Variants in BMP1 observed in about 807,000 individuals in gnomAD.
The protein encoded by BMP1 is mammalian tolloid protein.
In BMP1, 63 loss-of-function variants were observed where a neutral mutation model predicts 116.8. That is an observed-to-expected ratio of 0.54 (90% CI 0.44 to 0.67). The LOEUF (loss-of-function observed/expected upper bound fraction) is 0.67. Ranked by LOEUF, BMP1 falls within the 30% of genes least tolerant of loss-of-function variation. The probability of loss-of-function intolerance (pLI) is 0.00; values close to 1 mark genes in which losing one functional copy is unlikely to be tolerated. For synonymous variants in BMP1, 536 were observed against 533.4 expected, an observed-to-expected ratio of 1.00 and a Z score of -0.07; for missense variants, 1,183 against 1,358.9, an observed-to-expected ratio of 0.87 and a Z score of 2.04.
chr8:22,192,181 C>G (rs1423861311), intron 9 of BMP1, 30 bp downstream of exon 9: 2 of 1,576,870 alleles, frequency 1.3e-6, no homozygotes, highest in South Asian at 1.1e-5. Context: ...CCTGCCCCCT[C>G]CATGCTGATT....
At chr8:22,178,466 G>A (rs906075643) in intron 6 of BMP1, among the ~76,000 whole-genome samples, 19 of 152,136 alleles carry the variant, frequency 1.2e-4, no homozygotes, top group African/African-American at 4.3e-4. Context: ...TTTAGAGATG[G>A]GGTCTCACTA....
chr8:22,206,102 C>T (rs1489383400), intron 16 of BMP1, among the ~76,000 whole-genome samples: 1 of 152,302 alleles, frequency 6.6e-6, no homozygotes, highest in Non-Finnish European at 1.5e-5. Flanking sequence ...TGCAGTGGCT[C>T]ACGCCTGTAA....
At chr8:22,200,814 C>T (rs1829238241) in intron 15 of BMP1, among the ~76,000 whole-genome samples, 1 of 152,182 alleles carries the variant, frequency 6.6e-6, no homozygotes, top group East Asian at 1.9e-4. Context: ...CCCCAGTTCT[C>T]TCCTTCCCTG....
chr8:22,203,182 C>A (rs2131898038), intron 16 of BMP1, among the ~76,000 whole-genome samples: 1 of 152,282 alleles, frequency 6.6e-6, no homozygotes, highest in South Asian at 2.1e-4. Context: ...CACAGACTTG[C>A]CTCTACCATT....
intron 8 of BMP1, among the ~76,000 whole-genome samples, chr8:22,190,403 C>A (rs1280150862): frequency 6.6e-6 from 1 of 152,164 alleles, no homozygotes; most frequent in East Asian, 1.9e-4. Flanking sequence ...TGGGGGTGAC[C>A]GGCAGTGGCA....
At chr8:22,175,920 A>G (rs947821025) in intron 2 of BMP1, among the ~76,000 whole-genome samples, 1 of 152,348 alleles carries the variant, frequency 6.6e-6, no homozygotes, top group East Asian at 1.9e-4. Context: ...ATTCCACCTC[A>G]GCTGGGAACA....
intron 15 of BMP1, among the ~76,000 whole-genome samples, chr8:22,199,914 G>C (rs1829210752): frequency 6.6e-6 from 1 of 152,172 alleles, no homozygotes; most frequent in African/African-American, 2.4e-5. Flanking sequence ...TAACCTACCT[G>C]ATCCTGGGTT....
chr8:22,197,201 T>C, intron 14 of BMP1, 39 bp from the exon 15 acceptor site: 1 of 1,592,092 alleles, frequency 6.3e-7, no homozygotes, highest in East Asian at 2.3e-5. Flanking sequence ...AAGAGAGGCT[T>C]CCTGGAGGAG....
chr8:22,199,149 G>C, intron 15 of BMP1: 2 of 1,367,360 alleles, frequency 1.5e-6, no homozygotes, highest in Non-Finnish European at 2.0e-6. Flanking sequence ...ACGCCCACAC[G>C]CACACACATG....
At chr8:22,177,560 C>T (rs754600692) in intron 5 of BMP1, 6 of 737,584 alleles carry the variant, frequency 8.1e-6, no homozygotes, top group Non-Finnish European at 1.5e-5. Flanking sequence ...TCCTCCCTCT[C>T]TCCCAGGCGT....
intron 2 of BMP1, among the ~76,000 whole-genome samples, chr8:22,174,164 G>A (rs931115789): frequency 5.3e-5 from 8 of 152,092 alleles, no homozygotes; most frequent in Admixed American, 4.6e-4. Flanking sequence ...TCCCTCCTGG[G>A]CTCTCTGTTC....
At chr8:22,195,347 T>C in intron 12 of BMP1, 115 bp from the exon 13 acceptor site, 3 of 1,344,472 alleles carry the variant, frequency 2.2e-6, no homozygotes, top group Non-Finnish European at 3.0e-6. Context: ...CTCTGTGGGG[T>C]TCCAGCCATC....
chr8:22,209,673 T>G lies in BMP1; in HGVS notation c.2804T>G (p.Leu935Arg). Reference sequence around the variant, plus strand: ...GGCTACGACAGCACAGCCCCCAGGCTGGGGCGCTACTGTGGCTCAGGGGTG... The same window carrying G: ...GGCTACGACAGCACAGCCCCCAGGCGGGGGCGCTACTGTGGCTCAGGGGTG... ...FDGYDSTAPRLGRYCGSGPPE... is the reference protein window; with the variant it reads ...FDGYDSTAPRRGRYCGSGPPE... The change falls in exon 19 of 20, where the codon CTG becomes CGG. Residue 935 changes from leucine (L) to arginine (R), a missense_variant. Around this residue, in one of 4 missense-constraint regions of BMP1, gnomAD observed 956 missense variants for 1,135.2 expected, o/e 0.84. Transcript: ENST00000306385. The G allele has an allele frequency of 6.2e-7, 1 of 1,613,858 alleles. No individual in the cohort carries two copies. The highest frequency in any genetic ancestry group is 8.5e-7 in the Non-Finnish European group (1 of 1,179,928).
In BMP1 at chr8:22,206,960, C is replaced by T; in HGVS notation, c.2340C>T (p.Thr780=). Residue 780 remains threonine, a synonymous_variant, in exon 17 of 20, where the codon ACC becomes ACT. Coordinates refer to ENST00000306385, the MANE Select transcript of BMP1 (RefSeq NM_006129.5). ...KKECTWAISS[T]PGHRVKLTFM... is the part of the protein sequence containing the mutation. The stretch of plus-strand genomic sequence containing the variant: ...AGTGCACGTGGGCCATCTCCAGCAC[C>T]CCCGGGCACCGGGTCAAGCTGGTAA... 6.2e-7 allele frequency: 1 copy of T among 1,614,212 alleles called. No individual in the cohort carries two copies. The highest frequency in any genetic ancestry group is 8.5e-7 in the Non-Finnish European group (1 of 1,180,032).
At chr8:22,210,468 T>TCTCTCTCTCTCTCACA (rs10664439) in intron 19 of BMP1, among the ~76,000 whole-genome samples, 1 of 135,500 alleles carries the variant, frequency 7.4e-6, no homozygotes, top group African/African-American at 3.0e-5. Context: ...TCTCTCTCTC[T>TCTCTCTCTCTCTCACA]CACACACATA....
At chr8:22,187,266 T>TCCC (rs1828799442) in intron 8 of BMP1, among the ~76,000 whole-genome samples, 1 of 151,956 alleles carries the variant, frequency 6.6e-6, no homozygotes, top group Non-Finnish European at 1.5e-5. Flanking sequence ...GTTGGGATTA[T>TCCC]AGGCGTGAGC....
At chr8:22,209,313 C>A (rs1829419163) in intron 18 of BMP1, 132 bp from the exon 19 acceptor site, 1 of 1,445,080 alleles carries the variant, frequency 6.9e-7, no homozygotes, top group Non-Finnish European at 9.2e-7. Flanking sequence ...CAGGCCCCCA[C>A]CCACCCATCA....
In BMP1 at chr8:22,187,320, A is replaced by T. The variant is rs1442219386; in HGVS notation, c.1078-4729A>T. Among the ~76,000 whole-genome samples the T allele has an allele frequency of 4.0e-5, 6 of 148,992 alleles. 1 individual carries two copies. Among genetic ancestry groups the T allele is most frequent in the African/African-American group, 1.2e-4 (5 of 40,610 alleles). On this transcript the variant is annotated intron_variant, in intron 8 of 19. Coordinates refer to ENST00000306385, the MANE Select transcript of BMP1 (RefSeq NM_006129.5). The stretch of plus-strand genomic sequence containing the variant: ...CCCTAATCTTTTATTTATTTTAATT[A>T]ATTAATTAATTTATTTATTTATTTA...
chr8:22,209,738 C>A, intron 19 of BMP1, 43 bp downstream of exon 19: 1 of 1,591,882 alleles, frequency 6.3e-7, no homozygotes, highest in East Asian at 2.2e-5. Flanking sequence ...ATGCCCCACG[C>A]CCCACACTGT....
Sources: allele counts gnomAD v4.1 joint callset (sites outside exome capture counted in the v4.1 genomes callset), GRCh38; gene constraint gnomAD v4.1.1; regional missense constraint gnomAD v4.1.1; transcripts MANE v1.5; gene names NCBI Gene and HGNC (gene_info 2026-07-23, HGNC 2026-07-21).